ZFP90: variants seen among roughly 807,000 people sequenced by gnomAD.
ZFP90 encodes the protein zinc finger protein 90 homolog.
Under a neutral mutation model 60.8 loss-of-function variants are expected in ZFP90, and 38 were observed. The ratio of observed to expected loss-of-function variants is 0.62; its 90% CI spans 0.48 to 0.82. ZFP90 has a LOEUF of 0.82. Among genes scored for constraint, ZFP90 ranks in the 40% least tolerant of loss-of-function variants. ZFP90 has a pLI of 0.00. For missense variants in ZFP90, 711 were observed against 759.1 expected (o/e 0.94, Z 0.74); for synonymous variants, 287 against 264.8 (o/e 1.08, Z -0.82).
chr16:68,567,402 C>G (rs763412005), downstream of ZFP90, among the ~76,000 whole-genome samples: 5 of 152,160 alleles, frequency 3.3e-5, no homozygotes, highest in Non-Finnish European at 7.3e-5. Flanking sequence ...ATTGTATTGA[C>G]TGTAGGAACC....
At chr16:68,547,883 T>G (rs2091179416) in intron 2 of ZFP90, among the ~76,000 whole-genome samples, 1 of 150,732 alleles carries the variant, frequency 6.6e-6, no homozygotes, top group South Asian at 2.1e-4. Flanking sequence ...TTGCCCAGGC[T>G]AGAGGGCAAT....
downstream of ZFP90, among the ~76,000 whole-genome samples, chr16:68,576,475 G>A (rs574586779): frequency 5.9e-5 from 9 of 152,170 alleles, no homozygotes; most frequent in South Asian, 2.1e-4. Flanking sequence ...GGCCGGGCAC[G>A]GTGGCTCACG....
chr16:68,566,851 T>C lies in ZFP90; in HGVS notation c.*2153T>C, dbSNP rs1038352174. On this transcript the variant is annotated 3_prime_UTR_variant, in exon 5 of 5. Coordinates refer to ENST00000563169, the MANE Select transcript of ZFP90 (RefSeq NM_001305203.2). ...GTAACCAACTGAGTGCTGCCCCCAC[T>C]GTTACGGAAGTTTATAAAACCTTAG... The C allele has an allele frequency of 1.0e-6, 1 of 985,482 alleles. No individual in the cohort carries two copies. The highest frequency in any genetic ancestry group is 1.2e-6 in the Non-Finnish European group (1 of 829,968). 61.0% of individuals were successfully genotyped at this position (985,482 alleles called of 1,614,324 possible).
chr16:68,549,235 G>T (rs2091210690), intron 2 of ZFP90, among the ~76,000 whole-genome samples: 1 of 152,180 alleles, frequency 6.6e-6, no homozygotes, highest in Non-Finnish European at 1.5e-5. Context: ...AGAAATCTGA[G>T]CTGTTGCTCT....
chr16:68,565,372 A>T lies in ZFP90; in HGVS notation c.*674A>T. 1.0e-6 allele frequency: 1 copy of T among 985,628 alleles called. No individual in the cohort carries two copies. Among genetic ancestry groups the T allele is most frequent in the Non-Finnish European group, 1.2e-6 (1 of 829,942 alleles). 61.1% of individuals were successfully genotyped at this position (985,628 alleles called of 1,614,324 possible). A position where few individuals can be genotyped will look rare whatever the true frequency, so the allele number is the denominator to read the frequency against. On this transcript the variant is annotated 3_prime_UTR_variant, in exon 5 of 5. Transcript: ENST00000563169. ...ATAAATTTTAAGATGTATCAGATAC[A>T]CAAACATTTAATGGGCACCTATGGG...
At chr16:68,535,149 G>A (rs1041530957), upstream of ZFP90, among the ~76,000 whole-genome samples, 2 of 152,086 alleles carry the variant, frequency 1.3e-5, no homozygotes, top group African/African-American at 4.8e-5. Context: ...CTCCCAGACT[G>A]GATTTATGTT....
At chr16:68,567,410 A>G (rs558998145), downstream of ZFP90, among the ~76,000 whole-genome samples, 12 of 152,218 alleles carry the variant, frequency 7.9e-5, no homozygotes, top group African/African-American at 2.9e-4. Context: ...GACTGTAGGA[A>G]CCTAAATCAG....
intron 2 of ZFP90, among the ~76,000 whole-genome samples, chr16:68,556,120 T>C (rs1013327595): frequency 6.6e-5 from 10 of 152,228 alleles, no homozygotes; most frequent in Non-Finnish European, 8.8e-5. Flanking sequence ...CAGTGATTCA[T>C]GATTGAGCCA....
intron 2 of ZFP90, among the ~76,000 whole-genome samples, chr16:68,572,266 G>A (rs932756734): frequency 6.6e-6 from 1 of 152,008 alleles, no homozygotes; most frequent in Non-Finnish European, 1.5e-5. Flanking sequence ...ATCTGGACCT[G>A]AATTATAATG....
rs548994705 is a variant in ZFP90 at position 68,560,946 on chromosome 16, AT to A, written c.257-2097del. 7.1e-3 allele frequency among the ~76,000 whole-genome samples: 1,056 copies of A among 148,142 alleles called. 7 individuals are homozygous for A. The highest frequency in any genetic ancestry group is 0.013 in the Non-Finnish European group (864 of 67,392). ...ACCCAGGCTGGAGTACAATGGCATG[AT>A]GCAGTGGCATGATCTCGTCTCACTG... On this transcript the variant is annotated intron_variant, in intron 4 of 4. Coordinates refer to ENST00000563169, the MANE Select transcript of ZFP90 (RefSeq NM_001305203.2).
chr16:68,540,127 C>T (rs545932059), intron 2 of ZFP90, among the ~76,000 whole-genome samples: 14 of 152,102 alleles, frequency 9.2e-5, no homozygotes, highest in South Asian at 4.2e-4. Context: ...GAACTCTTGT[C>T]AATAAGAAAT....
chr16:68,542,990 A>G (rs1313882516), intron 2 of ZFP90, among the ~76,000 whole-genome samples: 1 of 152,162 alleles, frequency 6.6e-6, no homozygotes, highest in Non-Finnish European at 1.5e-5. Context: ...TAGTATCTCA[A>G]GAGGGAAAAA....
At chr16:68,569,949 G>T (rs1170427), downstream of ZFP90, among the ~76,000 whole-genome samples, 116,787 of 151,870 alleles carry the variant, frequency 0.77, 44,971 homozygotes, top group East Asian at 0.82. Flanking sequence ...TCCTACAGTT[G>T]TTCTCTTTCC....
At chr16:68,572,192 C>A (rs1353498384) in intron 2 of ZFP90, among the ~76,000 whole-genome samples, 1 of 150,158 alleles carries the variant, frequency 6.7e-6, no homozygotes, top group African/African-American at 2.5e-5. Context: ...TTTTTTTTTC[C>A]ATTTGGAAAG....
intron 2 of ZFP90, among the ~76,000 whole-genome samples, chr16:68,540,273 T>C (rs1282679397): frequency 6.6e-6 from 1 of 151,974 alleles, no homozygotes; most frequent in Non-Finnish European, 1.5e-5. Context: ...GGTTAGAACA[T>C]GTCTAGGAAG....
chr16:68,574,718 A>C (rs919274198), intron 2 of ZFP90, among the ~76,000 whole-genome samples: 9 of 152,046 alleles, frequency 5.9e-5, no homozygotes, highest in Non-Finnish European at 1.3e-4. Flanking sequence ...TGAGCTCAGG[A>C]GTTTGAGACC....
chr16:68,537,152 G>A (rs577217487), upstream of ZFP90, among the ~76,000 whole-genome samples: 1 of 150,774 alleles, frequency 6.6e-6, no homozygotes, highest in East Asian at 2.0e-4. Flanking sequence ...TTGAGACAGA[G>A]TCTCCATCTC....
chr16:68,564,854 A>C lies in ZFP90; in HGVS notation c.*156A>C. ...GCCAGTAGACAGATTTTTTTTTTTT[A>C]ACATAAAGACACATTCTCAGATCTG... On this transcript the variant is annotated 3_prime_UTR_variant, in exon 5 of 5. Transcript: ENST00000563169. The C allele has an allele frequency of 1.3e-6, 1 of 793,220 alleles. No individual in the cohort carries two copies. Among genetic ancestry groups the C allele is most frequent in the Non-Finnish European group, 1.7e-6 (1 of 585,482 alleles). The allele number at this position is 793,220 out of a possible 1,614,324, so 49.1% of individuals were successfully genotyped here.
At chr16:68,542,925 G>C (rs1421156531) in intron 2 of ZFP90, among the ~76,000 whole-genome samples, 1 of 152,094 alleles carries the variant, frequency 6.6e-6, no homozygotes, top group East Asian at 1.9e-4. Context: ...ATTCTAGAGA[G>C]GACAGACAGA....
Sources: gnomAD v4.1 joint callset for allele counts (sites outside exome capture counted in the v4.1 genomes callset) on GRCh38, gnomAD v4.1.1 for gene constraint, MANE v1.5 for transcripts, NCBI Gene and HGNC (gene_info 2026-07-23, HGNC 2026-07-21) for gene names.